UBE2G1: variants seen among roughly 807,000 people sequenced by gnomAD.
The protein encoded by UBE2G1 is ubiquitin conjugating enzyme E2 G1.
In UBE2G1, 5 loss-of-function variants were observed where a neutral mutation model predicts 22.7. The observed-to-expected ratio is 0.22, with a 90% CI of 0.12 to 0.46. UBE2G1 has a LOEUF of 0.46. Among genes scored for constraint, UBE2G1 ranks in the 20% least tolerant of loss-of-function variants. The pLI, the probability that UBE2G1 is intolerant of heterozygous loss-of-function variation, is 0.99. For synonymous variants in UBE2G1, 74 were observed against 67.5 expected, an observed-to-expected ratio of 1.10 and a Z score of -0.47; for missense variants, 88 against 203.9, an observed-to-expected ratio of 0.43 and a Z score of 3.46.
chr17:4,288,797 G>A (rs1293024466), intron 4 of UBE2G1, among the ~76,000 whole-genome samples: 1 of 152,196 alleles, frequency 6.6e-6, no homozygotes, highest in African/African-American at 2.4e-5. Flanking sequence ...TAGTAAGTAT[G>A]TGAGGTAATG....
chr17:4,298,437 G>C (rs538470471), intron 2 of UBE2G1, among the ~76,000 whole-genome samples: 1 of 152,272 alleles, frequency 6.6e-6, no homozygotes, highest in African/African-American at 2.4e-5. Flanking sequence ...TTAGTGTTAC[G>C]AGATCTTTTA....
At chr17:4,292,096 G>A (rs981184359) in intron 3 of UBE2G1, among the ~76,000 whole-genome samples, 4 of 152,018 alleles carry the variant, frequency 2.6e-5, no homozygotes, top group African/African-American at 9.7e-5. Context: ...AGCACTTTGG[G>A]AGGCTGAGGC....
chr17:4,336,024 T>C (rs1186982935), intron 1 of UBE2G1, among the ~76,000 whole-genome samples: 1 of 152,040 alleles, frequency 6.6e-6, no homozygotes, highest in Non-Finnish European at 1.5e-5. Flanking sequence ...CAGGCGCCTG[T>C]AATTCCAGCT....
At chr17:4,360,186 G>A (rs1008748577) in intron 1 of UBE2G1, among the ~76,000 whole-genome samples, 14 of 151,944 alleles carry the variant, frequency 9.2e-5, no homozygotes, top group African/African-American at 2.7e-4. Flanking sequence ...ACAAACCAAT[G>A]AAAGGTAACA....
At chr17:4,284,073 C>T (rs531094534) in intron 4 of UBE2G1, among the ~76,000 whole-genome samples, 4 of 149,842 alleles carry the variant, frequency 2.7e-5, no homozygotes, top group African/African-American at 9.7e-5. Context: ...GGGAGAATCG[C>T]TTGAACCTGA....
chr17:4,328,160 A>G (rs1043200093), intron 1 of UBE2G1, among the ~76,000 whole-genome samples: 7 of 152,218 alleles, frequency 4.6e-5, no homozygotes, highest in Admixed American at 2.0e-4. Context: ...ATCATTTCAG[A>G]GAATGGAAAC....
chr17:4,309,717 T>C (rs1407799723), intron 1 of UBE2G1, among the ~76,000 whole-genome samples: 2 of 152,206 alleles, frequency 1.3e-5, no homozygotes, highest in Non-Finnish European at 2.9e-5. Flanking sequence ...TCTACAACAC[T>C]GTACACAAGA....
At chr17:4,332,662 G>A (rs1969592724) in intron 1 of UBE2G1, among the ~76,000 whole-genome samples, 1 of 151,470 alleles carries the variant, frequency 6.6e-6, no homozygotes, top group African/African-American at 2.4e-5. Context: ...GCTAAGTGCT[G>A]TGCCACCTCC....
chr17:4,361,309 T>C (rs1172921266), intron 1 of UBE2G1, among the ~76,000 whole-genome samples: 2 of 148,948 alleles, frequency 1.3e-5, no homozygotes, highest in African/African-American at 5.0e-5. Flanking sequence ...GGCAGATCAC[T>C]TGAGGTCAGG....
chr17:4,323,641 C>T (rs1030985571), intron 1 of UBE2G1, among the ~76,000 whole-genome samples: 1 of 152,218 alleles, frequency 6.6e-6, no homozygotes, highest in Non-Finnish European at 1.5e-5. Flanking sequence ...AAGCCTTGAC[C>T]TCCTGGACTC....
chr17:4,328,305 A>T (rs1462092538), intron 1 of UBE2G1, among the ~76,000 whole-genome samples: 5 of 152,248 alleles, frequency 3.3e-5, no homozygotes. Flanking sequence ...TAATTTTTAA[A>T]GTAAATGTAC....
chr17:4,287,008 G>T (rs1336120825), intron 4 of UBE2G1, among the ~76,000 whole-genome samples: 1 of 151,956 alleles, frequency 6.6e-6, no homozygotes, highest in East Asian at 1.9e-4. Flanking sequence ...GTGAGATCAC[G>T]CCACTGCACT....
intron 1 of UBE2G1, among the ~76,000 whole-genome samples, chr17:4,312,175 G>A (rs1165544606): frequency 6.6e-6 from 1 of 151,654 alleles, no homozygotes; most frequent in African/African-American, 2.4e-5. Context: ...AGGAGGCGGA[G>A]GTCACCGAGA....
intron 1 of UBE2G1, among the ~76,000 whole-genome samples, chr17:4,343,646 T>A (rs1969736184): frequency 1.3e-5 from 2 of 151,072 alleles, no homozygotes; most frequent in South Asian, 2.2e-4. Context: ...TGGAGTGTGG[T>A]GGCGCAATCT....
intron 1 of UBE2G1, among the ~76,000 whole-genome samples, chr17:4,351,196 G>GA (rs113222366): frequency 0.085 from 12,826 of 151,650 alleles, 1,809 homozygotes; most frequent in African/African-American, 0.29. Context: ...GTGGGGGAAA[G>GA]GTTAAAAATA....
At chr17:4,355,267 TTCTGGGATTACAGGCGTGAGTCAC>T (rs1312527879) in intron 1 of UBE2G1, among the ~76,000 whole-genome samples, 4 of 149,432 alleles carry the variant, frequency 2.7e-5, no homozygotes, top group Admixed American at 2.7e-4. Flanking sequence ...CCTCCCAAAG[TTCTGGGATTACAGGCGTGAGTCAC>T]TCTGGGATTA....
At chr17:4,287,833 C>G (rs866058640) in intron 4 of UBE2G1, among the ~76,000 whole-genome samples, 16 of 151,032 alleles carry the variant, frequency 1.1e-4, no homozygotes, top group African/African-American at 2.9e-4. Flanking sequence ...AACTTGAATA[C>G]AAATAAAACA....
At chr17:4,322,708 C>A (rs1969455813) in intron 1 of UBE2G1, among the ~76,000 whole-genome samples, 1 of 152,090 alleles carries the variant, frequency 6.6e-6, no homozygotes, top group South Asian at 2.1e-4. Context: ...TATTTAAAGG[C>A]AAGGGAACCA....
chr17:4,350,277 A>G (rs1395929358), intron 1 of UBE2G1, among the ~76,000 whole-genome samples: 2 of 152,128 alleles, frequency 1.3e-5, no homozygotes, highest in Non-Finnish European at 2.9e-5. Flanking sequence ...CCTGGCCAAC[A>G]TGGTGAAACC....
Sources: gnomAD v4.1 joint callset for allele counts (sites outside exome capture counted in the v4.1 genomes callset) on GRCh38, gnomAD v4.1.1 for gene constraint, MANE v1.5 for transcripts, NCBI Gene and HGNC (gene_info 2026-07-23, HGNC 2026-07-21) for gene names.